Variants in CAP2 observed in about 807,000 individuals in gnomAD.
CAP2 encodes the protein adenylyl cyclase-associated protein 2.
CAP2 carries 24 observed loss-of-function variants against 57.7 expected under a neutral mutation model. The observed-to-expected ratio is 0.42, with a 90% CI of 0.30 to 0.58. The LOEUF is 0.58. CAP2 is among the 20% of genes least tolerant of loss of function. The probability of loss-of-function intolerance (pLI) is 0.22; values close to 1 mark genes in which losing one functional copy is unlikely to be tolerated. For missense variants in CAP2, 501 were observed against 590.3 expected (o/e 0.85, Z 1.57); for synonymous variants, 194 against 207.2 (o/e 0.94, Z 0.55).
At chr6:17,527,036 A>G (rs1429189085) in intron 7 of CAP2, among the ~76,000 whole-genome samples, 1 of 152,078 alleles carries the variant, frequency 6.6e-6, no homozygotes, top group Non-Finnish European at 1.5e-5. Flanking sequence ...CCTTGATGCA[A>G]ACTAAGCATC....
chr6:17,409,242 G>C (rs779278845), intron 1 of CAP2, among the ~76,000 whole-genome samples: 12 of 151,756 alleles, frequency 7.9e-5, no homozygotes, highest in Non-Finnish European at 1.6e-4. Context: ...TGTGGTGGCA[G>C]GCACCTATAA....
chr6:17,532,472 G>T (rs997291106), intron 7 of CAP2, among the ~76,000 whole-genome samples: 10 of 149,570 alleles, frequency 6.7e-5, no homozygotes, highest in African/African-American at 2.2e-4. Context: ...TAGGTAGGGT[G>T]CAGTGGCTCA....
chr6:17,494,068 C>G (rs1334107931), intron 4 of CAP2, among the ~76,000 whole-genome samples: 3 of 152,194 alleles, frequency 2.0e-5, no homozygotes, highest in Admixed American at 6.5e-5. Context: ...TACATTCACT[C>G]TGGCCTGAGC....
intron 3 of CAP2, among the ~76,000 whole-genome samples, chr6:17,457,195 C>T (rs574258176): frequency 8.5e-5 from 13 of 152,342 alleles, no homozygotes; most frequent in African/African-American, 2.9e-4. Flanking sequence ...CACACATGCT[C>T]ACAGGCAGAT....
At position 17,419,899 on chromosome 6, in the gene CAP2, G is replaced by C. The variant is rs144506650; in HGVS notation, c.-1-1656G>C. 4.4e-3 allele frequency among the ~76,000 whole-genome samples: 660 copies of C among 151,514 alleles called. 2 individuals carry two copies. The highest frequency in any genetic ancestry group is 0.01 in the Middle Eastern group (3 of 294). On this transcript the variant is annotated intron_variant, in intron 1 of 12. Coordinates refer to ENST00000229922, the MANE Select transcript of CAP2 (RefSeq NM_006366.3). Reference sequence around the variant, plus strand: ...TTTATTTATTTATTTTTGAGACAGAGTCTCACTCTGTCGCCAGGCTGGAGT... The same window carrying C: ...TTTATTTATTTATTTTTGAGACAGACTCTCACTCTGTCGCCAGGCTGGAGT...
chr6:17,424,884 C>T (rs1759546742), intron 2 of CAP2, among the ~76,000 whole-genome samples: 1 of 152,216 alleles, frequency 6.6e-6, no homozygotes, highest in Non-Finnish European at 1.5e-5. Context: ...CAGAGATCCC[C>T]GCTCGGGCCT....
intron 6 of CAP2, among the ~76,000 whole-genome samples, chr6:17,512,131 T>G (rs562627321): frequency 1.3e-5 from 2 of 152,268 alleles, no homozygotes; most frequent in African/African-American, 4.8e-5. Flanking sequence ...GGCTCATGCC[T>G]GTAATCCCAG....
chr6:17,398,896 T>C (rs536125087), intron 1 of CAP2, among the ~76,000 whole-genome samples: 3 of 152,314 alleles, frequency 2.0e-5, no homozygotes, highest in Admixed American at 6.5e-5. Flanking sequence ...ACCATTATTA[T>C]TGTCCATCTC....
At chr6:17,427,880 A>G (rs1456551089) in intron 3 of CAP2, among the ~76,000 whole-genome samples, 2 of 152,258 alleles carry the variant, frequency 1.3e-5, no homozygotes, top group Non-Finnish European at 2.9e-5. Flanking sequence ...GCTAAGTGAA[A>G]TAAGCCAGAC....
intron 2 of CAP2, among the ~76,000 whole-genome samples, chr6:17,422,475 G>A (rs370737004): frequency 6.0e-5 from 9 of 150,724 alleles, no homozygotes; most frequent in East Asian, 6.0e-4. Flanking sequence ...TCAGCCTCCC[G>A]GGTAGCTGGG....
intron 3 of CAP2, among the ~76,000 whole-genome samples, chr6:17,434,536 A>AT (rs1759824118): frequency 6.6e-6 from 1 of 152,032 alleles, no homozygotes. Context: ...GCCTGATTTA[A>AT]TTTTTTGAGT....
intron 7 of CAP2, among the ~76,000 whole-genome samples, chr6:17,534,921 A>AC (rs2113692705): frequency 6.6e-6 from 1 of 152,090 alleles, no homozygotes; most frequent in Admixed American, 6.5e-5. Context: ...GGGTACATGT[A>AC]CCCCCCTACT....
chr6:17,427,566 T>C (rs1174327939), intron 3 of CAP2, among the ~76,000 whole-genome samples: 2 of 148,664 alleles, frequency 1.3e-5, no homozygotes, highest in Non-Finnish European at 3.0e-5. Context: ...GATGGGAATG[T>C]AAAATGATGC....
chr6:17,393,939 C>A (rs1387773142), intron 1 of CAP2, among the ~76,000 whole-genome samples, 193 bp downstream of exon 1: 2 of 145,986 alleles, frequency 1.4e-5, no homozygotes, highest in African/African-American at 4.9e-5. Flanking sequence ...CGCGGCGACC[C>A]GGGCGCGGGG....
chr6:17,529,651 A>AAAAAAAAAAAAAAT (rs10656588), intron 7 of CAP2, among the ~76,000 whole-genome samples: 4 of 134,536 alleles, frequency 3.0e-5, no homozygotes, highest in African/African-American at 1.2e-4. Flanking sequence ...AAAAAAAAAA[A>AAAAAAAAAAAAAAT]ATATATATAT....
intron 3 of CAP2, among the ~76,000 whole-genome samples, chr6:17,452,213 C>G (rs376459971): frequency 6.6e-6 from 1 of 152,228 alleles, no homozygotes; most frequent in African/African-American, 2.4e-5. Context: ...CCAAGAAAAG[C>G]TGGCCCTTCT....
At chr6:17,434,343 C>G (rs954977383) in intron 3 of CAP2, among the ~76,000 whole-genome samples, 1 of 151,808 alleles carries the variant, frequency 6.6e-6, no homozygotes, top group African/African-American at 2.4e-5. Flanking sequence ...ATTGGCCTGC[C>G]TTAGCCTCCT....
chr6:17,504,713 G>A (rs973236492), intron 4 of CAP2, among the ~76,000 whole-genome samples: 2 of 152,068 alleles, frequency 1.3e-5, no homozygotes, highest in African/African-American at 4.8e-5. Flanking sequence ...TGGCAACCCA[G>A]TACACACACA....
intron 1 of CAP2, among the ~76,000 whole-genome samples, chr6:17,396,937 C>T (rs1758680243): frequency 6.6e-6 from 1 of 152,184 alleles, no homozygotes; most frequent in Admixed American, 6.5e-5. Context: ...ATGTCCCTCC[C>T]AACCCTGAAT....
Sources: gnomAD v4.1 joint callset for allele counts (sites outside exome capture counted in the v4.1 genomes callset) on GRCh38, gnomAD v4.1.1 for gene constraint, MANE v1.5 for transcripts, NCBI Gene and HGNC (gene_info 2026-07-23, HGNC 2026-07-21) for gene names.